Variants in FAM193A observed in about 807,000 individuals in gnomAD.
FAM193A encodes family with sequence similarity 193 member A, also known as protein FAM193A.
In FAM193A, 22 loss-of-function variants were observed where a neutral mutation model predicts 126.5. The observed-to-expected ratio is 0.17, with a 90% confidence interval of 0.12 to 0.25. The LOEUF (loss-of-function observed/expected upper bound fraction) is 0.25. Ranked by LOEUF, FAM193A falls within the 10% of genes least tolerant of loss-of-function variation. FAM193A has a pLI of 1.00. For synonymous variants in FAM193A, 761 were observed against 646.8 expected (o/e 1.18, Z -2.68); for missense variants, 1,675 against 1,672.8 (o/e 1.00, Z -0.02).
intron 20 of FAM193A, among the ~76,000 whole-genome samples, chr4:2,723,740 A>G (rs1483634019): frequency 1.3e-5 from 2 of 152,248 alleles, no homozygotes; most frequent in African/African-American, 2.4e-5. Flanking sequence ...TTCAAAAAGC[A>G]AAAACCTTTA....
intron 1 of FAM193A, among the ~76,000 whole-genome samples, chr4:2,555,690 T>A (rs1043161463): frequency 1.3e-4 from 20 of 152,200 alleles, no homozygotes. Context: ...CAATCTCGGC[T>A]CGCCGCAAGC....
chr4:2,711,944 G>A (rs1458450474), intron 19 of FAM193A, among the ~76,000 whole-genome samples: 3 of 152,022 alleles, frequency 2.0e-5, no homozygotes, highest in Non-Finnish European at 1.5e-5. Context: ...AAGAAATTAT[G>A]TAATTTCCAT....
Position 2,663,056 on chromosome 4 carries a change from T to C in FAM193A, c.1900-53T>C, listed in dbSNP as rs1042549897. On this transcript the variant is annotated intron_variant, in intron 11 of 20. Transcript: ENST00000637812. ...AAAATGATGGTCTGACATTTTAATATTTTATATTACTCTGTTTTGAAAAGT... is the reference window on the plus strand; with the variant it reads ...AAAATGATGGTCTGACATTTTAATACTTTATATTACTCTGTTTTGAAAAGT... The C allele has an allele frequency of 6.9e-6, 11 of 1,597,020 alleles. No homozygotes were observed. The African/African-American group carries it at 1.3e-4, about 20-fold the overall frequency.
At chr4:2,604,790 CCT>C (rs1560475358) in intron 2 of FAM193A, among the ~76,000 whole-genome samples, 1 of 134,194 alleles carries the variant, frequency 7.5e-6, no homozygotes, top group Non-Finnish European at 1.6e-5. Context: ...TTTTCTTTTT[CCT>C]TTTTTTTTTT....
chr4:2,686,457 A>G (rs913886138), intron 13 of FAM193A, among the ~76,000 whole-genome samples: 1 of 152,238 alleles, frequency 6.6e-6, no homozygotes, highest in African/African-American at 2.4e-5. Flanking sequence ...AGAGAAGACA[A>G]AAACATAATC....
chr4:2,726,044 G>GC (rs1199133980), intron 20 of FAM193A, among the ~76,000 whole-genome samples: 8 of 152,058 alleles, frequency 5.3e-5, no homozygotes, highest in African/African-American at 1.9e-4. Flanking sequence ...GACTACAGGC[G>GC]CCCGCCACCA....
intron 20 of FAM193A, among the ~76,000 whole-genome samples, chr4:2,720,801 G>GA (rs2109395070): frequency 6.6e-6 from 1 of 152,292 alleles, no homozygotes; most frequent in South Asian, 2.1e-4. Context: ...ACAAAAGACT[G>GA]AAACTTTATT....
At position 2,644,550 on chromosome 4, in the gene FAM193A, C is replaced by G. The variant is rs193096466; in HGVS notation, c.1164-2135C>G. Among the ~76,000 whole-genome samples the G allele has an allele frequency of 1.0e-3, 155 of 152,268 alleles. 2 individuals carry two copies. The Middle Eastern group carries it at 0.024, about 23-fold the overall frequency. On this transcript the variant is annotated intron_variant, in intron 6 of 20. Coordinates refer to ENST00000637812, the MANE Select transcript of FAM193A (RefSeq NM_001366318.2). The stretch of plus-strand genomic sequence containing the variant: ...TTTGTCTCCTGAGGGGCAGAAACAG[C>G]CTTAGGAGAACAGCTTTGATGTTTT...
intron 10 of FAM193A, among the ~76,000 whole-genome samples, chr4:2,661,378 A>G (rs1428239569): frequency 2.0e-5 from 3 of 152,322 alleles, no homozygotes; most frequent in African/African-American, 4.8e-5. Context: ...CCTGGATCTT[A>G]TGGGTTGGAT....
intron 2 of FAM193A, among the ~76,000 whole-genome samples, chr4:2,610,673 TA>T (rs1452971332): frequency 3.9e-5 from 6 of 152,188 alleles, no homozygotes; most frequent in Non-Finnish European, 7.3e-5. Flanking sequence ...CATTCATCAA[TA>T]GAGAGACGTT....
intron 1 of FAM193A, among the ~76,000 whole-genome samples, chr4:2,557,726 A>G (rs1738344102): frequency 6.7e-6 from 1 of 150,246 alleles, no homozygotes; most frequent in Non-Finnish European, 1.5e-5. Flanking sequence ...GCTGGGATGG[A>G]CGGATCATGA....
At chr4:2,682,688 G>T (rs1353932343) in intron 13 of FAM193A, among the ~76,000 whole-genome samples, 1 of 152,012 alleles carries the variant, frequency 6.6e-6, no homozygotes, top group Non-Finnish European at 1.5e-5. Flanking sequence ...AATTTCTGCA[G>T]TTGCCCTGGA....
chr4:2,638,090 C>G (rs1744262058), intron 5 of FAM193A, among the ~76,000 whole-genome samples: 2 of 152,226 alleles, frequency 1.3e-5, no homozygotes, highest in Admixed American at 1.3e-4. Context: ...CCAGAGGTTT[C>G]CAAGGGAGGC....
chr4:2,729,760 G>A (rs981475541), intron 20 of FAM193A, among the ~76,000 whole-genome samples: 9 of 152,082 alleles, frequency 5.9e-5, no homozygotes, highest in African/African-American at 9.7e-5. Flanking sequence ...ACAGGTGTGC[G>A]CCACCACACC....
At chr4:2,543,802 T>TGA (rs1240150256) in intron 1 of FAM193A, among the ~76,000 whole-genome samples, 1 of 131,800 alleles carries the variant, frequency 7.6e-6, no homozygotes, top group Non-Finnish European at 1.5e-5. Context: ...GGTGCAGGGC[T>TGA]GAGGTTGCAG....
chr4:2,535,972 G>A (rs1301398749), upstream of FAM193A, among the ~76,000 whole-genome samples: 2 of 152,064 alleles, frequency 1.3e-5, no homozygotes, highest in Non-Finnish European at 2.9e-5. Flanking sequence ...GCTTTCCAGC[G>A]CTGCCCGAAC....
chr4:2,706,654 C>T (rs1718343110), intron 19 of FAM193A, among the ~76,000 whole-genome samples: 1 of 151,442 alleles, frequency 6.6e-6, no homozygotes, highest in Admixed American at 6.6e-5. Flanking sequence ...CTCTTCCTTT[C>T]CTCTCTGTTT....
intron 14 of FAM193A, among the ~76,000 whole-genome samples, chr4:2,690,007 C>A (rs1292931017): frequency 6.6e-6 from 1 of 152,202 alleles, no homozygotes; most frequent in Non-Finnish European, 1.5e-5. Context: ...CGGTCGGGTG[C>A]CCGGCCTTCA....
chr4:2,560,190 G>A (rs1287631954), intron 1 of FAM193A, among the ~76,000 whole-genome samples: 4 of 152,058 alleles, frequency 2.6e-5, no homozygotes, highest in Admixed American at 6.6e-5. Context: ...TGATCCACCC[G>A]CCTCGGCCTC....
Sources: gnomAD v4.1 joint callset for allele counts (sites outside exome capture counted in the v4.1 genomes callset) on GRCh38, gnomAD v4.1.1 for gene constraint, MANE v1.5 for transcripts, NCBI Gene and HGNC (gene_info 2026-07-23, HGNC 2026-07-21) for gene names.